MYT1L: variants seen among roughly 807,000 people sequenced by gnomAD.
The protein encoded by MYT1L is myelin transcription factor 1 like, also known as myelin transcription factor 1-like protein.
In MYT1L, 12 loss-of-function variants were observed where a neutral mutation model predicts 126.7. That is an observed-to-expected ratio of 0.09 (90% CI 0.06 to 0.15). MYT1L has a LOEUF of 0.15. Ranked by LOEUF, MYT1L falls within the 10% of genes least tolerant of loss-of-function variation. MYT1L has a pLI of 1.00. For synonymous variants in MYT1L, 541 were observed against 604.2 expected (o/e 0.90, Z 1.53); for missense variants, 979 against 1,585.2 (o/e 0.62, Z 6.49).
chr2:2,027,854 G>A (rs540224111), intron 4 of MYT1L, among the ~76,000 whole-genome samples: 2 of 152,286 alleles, frequency 1.3e-5, no homozygotes, highest in Admixed American at 1.3e-4. Flanking sequence ...CAGTGGCCAA[G>A]GGCTCCTGCA....
chr2:1,808,679 C>T (rs991158346), intron 22 of MYT1L, among the ~76,000 whole-genome samples: 3 of 152,112 alleles, frequency 2.0e-5, no homozygotes, highest in African/African-American at 4.8e-5. Flanking sequence ...AGAGTGAGGG[C>T]GACAGGGGAG....
intron 23 of MYT1L, among the ~76,000 whole-genome samples, chr2:1,794,963 C>G (rs887064790): frequency 6.6e-6 from 1 of 152,158 alleles, no homozygotes; most frequent in African/African-American, 2.4e-5. Flanking sequence ...GTCTGGAGAC[C>G]CAAAACCAGA....
chr2:1,982,130 T>C (rs1043525862), intron 5 of MYT1L, among the ~76,000 whole-genome samples: 2 of 152,170 alleles, frequency 1.3e-5, no homozygotes, highest in Non-Finnish European at 2.9e-5. Flanking sequence ...ACCAGAAAAT[T>C]CTAGCAAAGT....
At chr2:2,030,100 AGTTT>A (rs1242752506) in intron 4 of MYT1L, among the ~76,000 whole-genome samples, 18 of 152,054 alleles carry the variant, frequency 1.2e-4, no homozygotes, top group African/African-American at 3.4e-4. Context: ...TTGTTTGTTT[AGTTT>A]GTTTGTTTTT....
At chr2:2,082,216 A>G (rs184719490) in intron 3 of MYT1L, among the ~76,000 whole-genome samples, 1 of 152,244 alleles carries the variant, frequency 6.6e-6, no homozygotes, top group Admixed American at 6.5e-5. Context: ...TGCTATGGAA[A>G]CACCTGGGGC....
intron 18 of MYT1L, among the ~76,000 whole-genome samples, chr2:1,871,121 G>A (rs2046233110): frequency 6.6e-6 from 1 of 152,224 alleles, no homozygotes; most frequent in Middle Eastern, 3.2e-3. Context: ...GGTCTAATCC[G>A]TGGCCCTTCC....
chr2:2,027,550 T>A (rs1441088146), intron 4 of MYT1L, among the ~76,000 whole-genome samples: 1 of 152,160 alleles, frequency 6.6e-6, no homozygotes, highest in Non-Finnish European at 1.5e-5. Context: ...ACAACAAAAT[T>A]AGCTGTCAAA....
At chr2:1,988,414 G>A (rs1013715950) in intron 5 of MYT1L, among the ~76,000 whole-genome samples, 20 of 152,310 alleles carry the variant, frequency 1.3e-4, no homozygotes, top group Middle Eastern at 3.4e-3. Flanking sequence ...AGTATCCTCC[G>A]TCTACTCTGC....
chr2:1,814,594 G>A (rs902544103), intron 21 of MYT1L, among the ~76,000 whole-genome samples: 2 of 152,126 alleles, frequency 1.3e-5, no homozygotes, highest in African/African-American at 4.8e-5. Context: ...TTTAGGATTC[G>A]GCTTTTGCAG....
rs1302193465 is a variant in MYT1L, at chr2:1,989,831, C to G, written c.-1+7360G>C. The stretch of plus-strand genomic sequence containing the variant: ...GGCTAACATGGTGAAAACCCCGTCT[C>G]TACCAAAAATACAAAAGTTAGCTGG... On this transcript the variant is annotated intron_variant, in intron 5 of 24. Transcript: ENST00000647738. Among the ~76,000 whole-genome samples the G allele has an allele frequency of 3.9e-5, 6 of 152,070 alleles. No homozygotes were observed. In the East Asian group the frequency reaches 1.2e-3, roughly 29 times the overall value.
intron 2 of MYT1L, among the ~76,000 whole-genome samples, chr2:2,173,397 T>C (rs541408824): frequency 9.8e-5 from 15 of 152,326 alleles, no homozygotes; most frequent in South Asian, 2.1e-4. Flanking sequence ...TTTTTGGAAA[T>C]AATAGAATTT....
At chr2:1,902,746 G>A in intron 14 of MYT1L, 1 of 314,010 alleles carries the variant, frequency 3.2e-6, no homozygotes, top group Non-Finnish European at 6.0e-6. Flanking sequence ...TTTAAAGGAA[G>A]CGTATAACAT....
intron 21 of MYT1L, among the ~76,000 whole-genome samples, chr2:1,824,009 C>A (rs956498923): frequency 1.3e-5 from 2 of 152,146 alleles, no homozygotes; most frequent in African/African-American, 4.8e-5. Flanking sequence ...CCCCCCCCAG[C>A]GGGGCCGCCG....
chr2:1,844,735 C>T (rs1359866313), intron 19 of MYT1L, among the ~76,000 whole-genome samples: 2 of 152,188 alleles, frequency 1.3e-5, no homozygotes, highest in African/African-American at 2.4e-5. Flanking sequence ...TAGATCCTGA[C>T]TTTCACCTTT....
intron 2 of MYT1L, among the ~76,000 whole-genome samples, chr2:2,202,571 G>A (rs2093130258): frequency 6.6e-6 from 1 of 152,134 alleles, no homozygotes; most frequent in African/African-American, 2.4e-5. Context: ...GACTAAACCA[G>A]GAAGAAGTTG....
intron 3 of MYT1L, among the ~76,000 whole-genome samples, chr2:2,088,280 G>T (rs1234183506): frequency 6.6e-6 from 1 of 152,200 alleles, no homozygotes; most frequent in East Asian, 1.9e-4. Context: ...TGCATTGGGA[G>T]AGCAGCACTG....
chr2:2,074,149 A>G (rs1375920834), intron 3 of MYT1L, among the ~76,000 whole-genome samples: 1 of 152,268 alleles, frequency 6.6e-6, no homozygotes, highest in African/African-American at 2.4e-5. Context: ...GTGGTTTATT[A>G]GAAAACTTTT....
intron 19 of MYT1L, among the ~76,000 whole-genome samples, chr2:1,847,503 C>T (rs971939992): frequency 6.6e-6 from 1 of 151,794 alleles, no homozygotes; most frequent in South Asian, 2.1e-4. Flanking sequence ...ATGAGGAGCA[C>T]CCCTGGGCAG....
intron 5 of MYT1L, among the ~76,000 whole-genome samples, chr2:1,993,058 G>A (rs1234346775): frequency 6.6e-6 from 1 of 152,210 alleles, no homozygotes; most frequent in East Asian, 1.9e-4. Flanking sequence ...TGGCTCACTG[G>A]CTTCCCCCTA....
Sources: allele counts gnomAD v4.1 joint callset (sites outside exome capture counted in the v4.1 genomes callset), GRCh38; gene constraint gnomAD v4.1.1; transcripts MANE v1.5; gene names NCBI Gene and HGNC (gene_info 2026-07-23, HGNC 2026-07-21).